CLCA4: variants seen among roughly 807,000 people sequenced by gnomAD.
CLCA4 encodes calcium-activated chloride channel regulator 4.
In CLCA4, 69 loss-of-function variants were observed where a neutral mutation model predicts 78.9. The ratio of observed to expected loss-of-function variants is 0.87; its 90% CI spans 0.72 to 1.07. The LOEUF is 1.07. CLCA4 is among the 50% of genes least tolerant of loss of function. The pLI, the probability that CLCA4 is intolerant of heterozygous loss-of-function variation, is 0.00. For missense variants in CLCA4, 1,133 were observed against 1,095.8 expected, an observed-to-expected ratio of 1.03 and a Z score of -0.48; for synonymous variants, 362 against 375.8, an observed-to-expected ratio of 0.96 and a Z score of 0.42.
At chr1:86,570,702 C>G (rs1650325692) in intron 7 of CLCA4, among the ~76,000 whole-genome samples, 1 of 152,040 alleles carries the variant, frequency 6.6e-6, no homozygotes, top group South Asian at 2.1e-4. Context: ...GAAGGCTTGT[C>G]TGTCAGAAGG....
At chr1:86,578,965 T>A (rs531115732) in intron 12 of CLCA4, among the ~76,000 whole-genome samples, 1 of 152,156 alleles carries the variant, frequency 6.6e-6, no homozygotes, top group East Asian at 1.9e-4. Context: ...AATTATTCCT[T>A]AGCACTTGCA....
intron 6 of CLCA4, among the ~76,000 whole-genome samples, chr1:86,566,693 G>T (rs1172540020): frequency 1.3e-5 from 2 of 152,008 alleles, no homozygotes; most frequent in Admixed American, 1.3e-4. Flanking sequence ...ATTGTGATTT[G>T]GTTCAGGGAG....
intron 8 of CLCA4, among the ~76,000 whole-genome samples, chr1:86,572,074 C>G (rs1281535567): frequency 6.6e-6 from 1 of 151,892 alleles, no homozygotes; most frequent in Admixed American, 6.6e-5. Context: ...GGATTTATCT[C>G]TCTTGCTTTC....
At chr1:86,570,558 A>G (rs1320812412) in intron 7 of CLCA4, among the ~76,000 whole-genome samples, 1 of 152,050 alleles carries the variant, frequency 6.6e-6, no homozygotes, top group Non-Finnish European at 1.5e-5. Flanking sequence ...GTCCCTAACC[A>G]CATGCTTAGA....
chr1:86,565,753 T>C lies in CLCA4; in HGVS notation c.736-49T>C, dbSNP rs576255640. The C allele has an allele frequency of 2.4e-4, 284 of 1,163,738 alleles. 2 individuals carry two copies. In the South Asian group the frequency reaches 5.4e-3, roughly 22 times the overall value. 72.1% of individuals were successfully genotyped at this position (1,163,738 alleles called of 1,614,324 possible). On this transcript the variant is annotated intron_variant, in intron 5 of 13. Coordinates refer to ENST00000370563, the MANE Select transcript of CLCA4 (RefSeq NM_012128.4). ...ATTTTTCAGGTTTGTAGTTTGATTT[T>C]TAAATGCATGGTATATTAAAATTAT...
chr1:86,552,741 C>T, intron 1 of CLCA4: 1 of 1,435,722 alleles, frequency 7.0e-7, no homozygotes, highest in Admixed American at 1.7e-5. Flanking sequence ...CCCGGCCCGG[C>T]ACCCCCATCA....
At chr1:86,563,854 T>G in intron 4 of CLCA4, 85 bp downstream of exon 4, 2 of 694,430 alleles carry the variant, frequency 2.9e-6, no homozygotes, top group Non-Finnish European at 4.9e-6. Context: ...AAATCATTCT[T>G]AATGCAGACA....
chr1:86,575,338 A>C lies in CLCA4; in HGVS notation c.1690A>C (p.Thr564Pro). The change falls in exon 11 of 14, where the codon ACT becomes CCT. Residue 564 changes from threonine to proline, a missense_variant. Coordinates refer to ENST00000370563, the MANE Select transcript of CLCA4 (RefSeq NM_012128.4). ...LSIPGTAKVG[T>P]WAYNLQAKAN... Reference sequence around the variant, plus strand: ...TTTCTGTTGAAACTTTTAGGTGGGCACTTGGGCATACAATCTTCAAGCCAA... The same window carrying C: ...TTTCTGTTGAAACTTTTAGGTGGGCCCTTGGGCATACAATCTTCAAGCCAA... 1 of 1,612,314 alleles carries C rather than the reference A, an allele frequency of 6.2e-7. No individual in the cohort carries two copies. Among genetic ancestry groups the C allele is most frequent in the Non-Finnish European group, 8.5e-7 (1 of 1,178,856 alleles).
rs868721899 is a variant in CLCA4 at position 86,560,239 on chromosome 1, T to C, written c.329T>C (p.Leu110Pro). Reference sequence around the variant, plus strand: ...GATGTTATAGTTGCACCACCTACACTCCCAGGTAGAGATGAACCATACACC... The same window carrying C: ...GATGTTATAGTTGCACCACCTACACCCCCAGGTAGAGATGAACCATACACC... ...HADVIVAPPT[L>P]PGRDEPYTKQ... is the part of the protein sequence containing the mutation. The change falls in exon 3 of 14, where the codon CTC becomes CCC. Residue 110 changes from leucine (L) to proline (P), a missense_variant. Coordinates refer to ENST00000370563, the MANE Select transcript of CLCA4 (RefSeq NM_012128.4). 2 of 1,613,144 alleles carry C rather than the reference T, an allele frequency of 1.2e-6. No individual in the cohort carries two copies. Among genetic ancestry groups the C allele is most frequent in the Non-Finnish European group, 1.7e-6 (2 of 1,179,734 alleles).
chr1:86,552,586 TCAGA>T (rs1191144859), intron 1 of CLCA4: 19 of 604,232 alleles, frequency 3.1e-5, no homozygotes, highest in Non-Finnish European at 5.4e-5. Flanking sequence ...TGTCCACGCG[TCAGA>T]CACAGCTGCG....
chr1:86,558,679 G>A (rs1649922104), intron 1 of CLCA4, among the ~76,000 whole-genome samples: 1 of 152,184 alleles, frequency 6.6e-6, no homozygotes, highest in African/African-American at 2.4e-5. Context: ...AAGTATGAGA[G>A]CCGAGCTAAG....
At chr1:86,557,952 C>CT (rs752520649) in intron 1 of CLCA4, among the ~76,000 whole-genome samples, 3,953 of 145,286 alleles carry the variant, frequency 0.027, 150 homozygotes, top group African/African-American at 0.083. Flanking sequence ...CCTTCTTTGT[C>CT]TTTTTTTTTT....
At chr1:86,558,862 T>A (rs1297007664) in intron 1 of CLCA4, among the ~76,000 whole-genome samples, 1 of 152,170 alleles carries the variant, frequency 6.6e-6, no homozygotes, top group Non-Finnish European at 1.5e-5. Context: ...AGTGAAACCA[T>A]ATCAGCTTCC....
At chr1:86,560,499 A>G in intron 3 of CLCA4, 141 bp downstream of exon 3, 2 of 758,850 alleles carry the variant, frequency 2.6e-6, no homozygotes, top group East Asian at 5.5e-5. Context: ...GTGACCTTAA[A>G]CAAGTGACCT....
In CLCA4 at chr1:86,579,456, C is replaced by G; in HGVS notation, c.2225C>G (p.Ser742Ter). The G allele has an allele frequency of 6.2e-7, 1 of 1,613,332 alleles. No homozygotes were observed. The highest frequency in any genetic ancestry group is 8.5e-7 in the Non-Finnish European group (1 of 1,179,522). The change falls in exon 13 of 14, where the codon TCA becomes TGA. Residue 742 changes from serine (S) to a stop codon, truncating the protein, a stop_gained. Transcript: ENST00000370563. LOFTEE classifies it high-confidence loss of function. ...GCATCCGGAGGTGCATTTGTGGTATCACAAGTCCCAAGCCTTCCCTTGCCT... is the reference window on the plus strand; with the variant it reads ...GCATCCGGAGGTGCATTTGTGGTATGACAAGTCCCAAGCCTTCCCTTGCCT... The part of the protein sequence containing the change: ...RTASGGAFVV[S>*]QVPSLPLPDQ...
rs1650478040 is a variant in CLCA4, at chr1:86,575,344, GCATA to G, written c.1699_1702del (p.Tyr567IlefsTer11). 6.2e-7 allele frequency: 1 copy of G among 1,612,522 alleles called. No individual in the cohort carries two copies. The highest frequency in any genetic ancestry group is 1.7e-5 in the Admixed American group (1 of 59,870). ...TTGAAACTTTTAGGTGGGCACTTGG[GCATA>G]CAATCTTCAAGCCAAAGCGAACCCA... On this transcript the variant is annotated frameshift_variant, in exon 11 of 14. Coordinates refer to ENST00000370563, the MANE Select transcript of CLCA4 (RefSeq NM_012128.4). LOFTEE classifies it high-confidence loss of function.
Position 86,572,717 on chromosome 1 carries a change from T to G in CLCA4, c.1464T>G (p.Leu488=). 1 of 1,560,500 alleles carries G rather than the reference T, an allele frequency of 6.4e-7. No homozygotes were observed. The highest frequency in any genetic ancestry group is 8.8e-7 in the Non-Finnish European group (1 of 1,131,414). The change falls in exon 9 of 14, where the codon CTT becomes CTG. Residue 488 remains leucine (L), a synonymous_variant. Transcript: ENST00000370563. ...SGNTDLSQKS[L]QLESKGLTLN... is the part of the protein sequence containing the mutation. ...ATACTGATCTCTCCCAGAAGTCCCT[T>G]CAGGTCAGAGTTCTCATTCCTTGGG...
In CLCA4 at chr1:86,563,717, A is replaced by G; in HGVS notation, c.505A>G (p.Asn169Asp). Residue 169 changes from asparagine (N) to aspartate (D), a missense_variant, in exon 4 of 14, where the codon AAT becomes GAT. Physicochemically the swap from Asn to Asp is conservative, Grantham distance 23. Coordinates refer to ENST00000370563, the MANE Select transcript of CLCA4 (RefSeq NM_012128.4). ...HLRWGVFDEY[N>D]EDQPFYRAKS... is the part of the protein sequence containing the mutation. Reference sequence around the variant, plus strand: ...CCGGTGGGGAGTGTTTGATGAGTACAATGAAGATCAGCCTTTCTACCGTGC... The same window carrying G: ...CCGGTGGGGAGTGTTTGATGAGTACGATGAAGATCAGCCTTTCTACCGTGC... 6.2e-7 allele frequency: 1 copy of G among 1,610,924 alleles called. No homozygotes were observed. Among genetic ancestry groups the G allele is most frequent in the Non-Finnish European group, 8.5e-7 (1 of 1,178,154 alleles).
At chr1:86,568,270 T>A (rs962995230) in intron 7 of CLCA4, among the ~76,000 whole-genome samples, 1 of 151,386 alleles carries the variant, frequency 6.6e-6, no homozygotes, top group Non-Finnish European at 1.5e-5. Context: ...GCCTACCTCA[T>A]AGAGTAATTA....
Sources: allele counts gnomAD v4.1 joint callset (sites outside exome capture counted in the v4.1 genomes callset), GRCh38; gene constraint gnomAD v4.1.1; transcripts MANE v1.5; gene names NCBI Gene and HGNC (gene_info 2026-07-23, HGNC 2026-07-21).